PTPRG: variants seen among roughly 807,000 people sequenced by gnomAD.
The protein encoded by PTPRG is protein tyrosine phosphatase receptor type G.
In PTPRG, 102 loss-of-function variants were observed where a neutral mutation model predicts 165.3. The observed-to-expected ratio is 0.62, with a 90% confidence interval of 0.53 to 0.73. PTPRG has a LOEUF of 0.73. Ranked by LOEUF, PTPRG falls within the 30% of genes least tolerant of loss-of-function variation. The pLI, the probability that PTPRG is intolerant of heterozygous loss-of-function variation, is 0.00. For missense variants in PTPRG, 1,866 were observed against 1,861.4 expected (o/e 1.00, Z -0.05); for synonymous variants, 675 against 669.5 (o/e 1.01, Z -0.13).
intron 5 of PTPRG, among the ~76,000 whole-genome samples, chr3:62,121,346 T>C (rs1703064774): frequency 6.6e-6 from 1 of 152,148 alleles, no homozygotes; most frequent in South Asian, 2.1e-4. Context: ...TAAATACTCA[T>C]TTAATCCTCT....
chr3:61,933,430 C>G (rs1237224930), intron 2 of PTPRG, among the ~76,000 whole-genome samples: 1 of 152,160 alleles, frequency 6.6e-6, no homozygotes, highest in Non-Finnish European at 1.5e-5. Flanking sequence ...GTTTTCTCAT[C>G]TATAAAATAG....
At chr3:62,073,723 C>A (rs1701285463) in intron 4 of PTPRG, among the ~76,000 whole-genome samples, 1 of 152,178 alleles carries the variant, frequency 6.6e-6, no homozygotes, top group Non-Finnish European at 1.5e-5. Flanking sequence ...TCAAGTGATC[C>A]ATCCACCTTG....
chr3:62,243,809 A>T lies in PTPRG; in HGVS notation c.2378A>T (p.Lys793Ile). The change falls in exon 15 of 30, where the codon AAA becomes ATA. Residue 793 changes from lysine (K) to isoleucine (I), a missense_variant and splice_region_variant. Lys to Ile is a moderately radical substitution (Grantham distance 102). This residue lies in a region of PTPRG where 1,452 missense variants were observed against 1,463.0 expected (regional missense o/e 0.99). Transcript: ENST00000474889. Reference protein sequence around the residue: ...SGERGEKGSRKCFQTAHFYVE... With the variant: ...SGERGEKGSRICFQTAHFYVE... ...ATGTTTTTCTCTTTTCTACACAGAA[A>T]ATGTTTTCAGACTGCTCATTTCTAT... is the stretch of plus-strand genomic sequence containing the variant. 1.9e-6 allele frequency: 3 copies of T among 1,572,608 alleles called. No individual in the cohort carries two copies. The highest frequency in any genetic ancestry group is 1.7e-6 in the Non-Finnish European group (2 of 1,146,606).
chr3:62,019,423 T>G (rs542143007), intron 4 of PTPRG, among the ~76,000 whole-genome samples: 1 of 150,274 alleles, frequency 6.7e-6, no homozygotes, highest in South Asian at 2.1e-4. Flanking sequence ...CTTGGGAGGC[T>G]GAGAAGGGAG....
At chr3:61,979,499 C>G (rs1318966297) in intron 2 of PTPRG, among the ~76,000 whole-genome samples, 2 of 152,112 alleles carry the variant, frequency 1.3e-5, no homozygotes, top group African/African-American at 4.8e-5. Flanking sequence ...TAGAGAGTGG[C>G]TAAGGTTGCT....
rs1032900095 is a variant in PTPRG at position 62,195,642 on chromosome 3, A to G, written c.1327+472A>G. Among the ~76,000 whole-genome samples, 2 of 152,184 alleles carry G rather than the reference A, an allele frequency of 1.3e-5. No individual in the cohort carries two copies. The highest frequency in any genetic ancestry group is 2.9e-5 in the Non-Finnish European group (2 of 68,042). On this transcript the variant is annotated intron_variant, in intron 10 of 29. Coordinates refer to ENST00000474889, the MANE Select transcript of PTPRG (RefSeq NM_002841.4). The surrounding 1 kb of genome is among the most constrained non-coding windows in gnomAD (Gnocchi z 4.4). ...CAGGATCCTTGAGATTCCTGGATCT[A>G]GATAGATGGTCCTGATGACTTAGGG...
chr3:61,934,833 T>C (rs1303613430), intron 2 of PTPRG, among the ~76,000 whole-genome samples: 1 of 152,198 alleles, frequency 6.6e-6, no homozygotes, highest in Non-Finnish European at 1.5e-5. Context: ...TAAATTGACA[T>C]AGTCTTCTGA....
chr3:61,660,641 C>G (rs1014914102), intron 1 of PTPRG, among the ~76,000 whole-genome samples: 1 of 152,120 alleles, frequency 6.6e-6, no homozygotes, highest in Non-Finnish European at 1.5e-5. Flanking sequence ...GAGGAAGCTT[C>G]TAGAACAGCA....
At chr3:61,997,653 A>G (rs1356972166) in intron 3 of PTPRG, among the ~76,000 whole-genome samples, 1 of 152,104 alleles carries the variant, frequency 6.6e-6, no homozygotes, top group African/African-American at 2.4e-5. Flanking sequence ...TTGTCTGTTT[A>G]GTTCTTGGGA....
At chr3:62,258,829 A>G (rs549248998) in intron 16 of PTPRG, among the ~76,000 whole-genome samples, 2 of 152,294 alleles carry the variant, frequency 1.3e-5, no homozygotes, top group Admixed American at 1.3e-4. Context: ...TGTCCTTCCC[A>G]GGGAGTAGTT....
At chr3:61,699,191 T>C (rs543464078) in intron 1 of PTPRG, among the ~76,000 whole-genome samples, 116 of 152,184 alleles carry the variant, frequency 7.6e-4, no homozygotes, top group Non-Finnish European at 1.5e-3. Flanking sequence ...TTAAAAAAAA[T>C]TATTTTTCAG....
intron 2 of PTPRG, among the ~76,000 whole-genome samples, chr3:61,856,987 A>G (rs2037124895): frequency 6.6e-6 from 1 of 152,026 alleles, no homozygotes; most frequent in African/African-American, 2.4e-5. Flanking sequence ...TCTCTACATG[A>G]GGCTCCTTTA....
rs75464540 is a variant in PTPRG, at chr3:62,164,515, C to T, written c.841-3456C>T. The stretch of plus-strand genomic sequence containing the variant: ...CATTTGATGAGTGTGCTAAGCTCGT[C>T]CTCCTTTCCCTCTTTTGTATGACTG... On this transcript the variant is annotated intron_variant, in intron 7 of 29. Transcript: ENST00000474889. Among the ~76,000 whole-genome samples the T allele has an allele frequency of 7.9e-3, 1,197 of 152,214 alleles. 15 individuals are homozygous for T. Among genetic ancestry groups the T allele is most frequent in the African/African-American group, 0.028 (1,157 of 41,522 alleles).
chr3:61,613,073 A>G (rs1197912796), intron 1 of PTPRG, among the ~76,000 whole-genome samples: 1 of 152,234 alleles, frequency 6.6e-6, no homozygotes, highest in African/African-American at 2.4e-5. Flanking sequence ...GTCAGAGTCA[A>G]AAGAACATTT....
chr3:62,174,270 G>A (rs1705329979), intron 8 of PTPRG, among the ~76,000 whole-genome samples: 4 of 152,142 alleles, frequency 2.6e-5, no homozygotes, highest in Admixed American at 2.6e-4. Context: ...AACCAAACCT[G>A]TTCAAACCGC....
intron 13 of PTPRG, among the ~76,000 whole-genome samples, chr3:62,227,924 C>T (rs754860496): frequency 2.6e-5 from 4 of 152,098 alleles, no homozygotes; most frequent in South Asian, 2.1e-4. Flanking sequence ...TCTGATAAAC[C>T]GGACAATTTA....
chr3:61,874,468 A>T (rs2037668506), intron 2 of PTPRG, among the ~76,000 whole-genome samples: 1 of 152,074 alleles, frequency 6.6e-6, no homozygotes, highest in Non-Finnish European at 1.5e-5. Context: ...AGAGAGGTAA[A>T]TGTCTTTCTT....
At chr3:62,074,352 CTTT>C (rs200189646) in intron 4 of PTPRG, among the ~76,000 whole-genome samples, 38 of 109,104 alleles carry the variant, frequency 3.5e-4, no homozygotes, top group African/African-American at 1.4e-3. Flanking sequence ...TCTTTTCTTT[CTTT>C]TTTTTTTTTT....
rs547377159 is a variant in PTPRG at position 62,199,780 on chromosome 3, G to T, written c.1328-1725G>T. Among the ~76,000 whole-genome samples, 14 of 152,290 alleles carry T rather than the reference G, an allele frequency of 9.2e-5. No individual in the cohort carries two copies. The South Asian group carries it at 2.9e-3, about 32-fold the overall frequency. On this transcript the variant is annotated intron_variant, in intron 10 of 29. Coordinates refer to ENST00000474889, the MANE Select transcript of PTPRG (RefSeq NM_002841.4). ...TTTTTGAAAGAACCACATAGAAGCA[G>T]TTTGATGGAGTTTTTAAAAAGTCAT...
Sources: gnomAD v4.1 joint callset for allele counts (sites outside exome capture counted in the v4.1 genomes callset) on GRCh38, gnomAD v4.1.1 for gene constraint, gnomAD v4.1.1 regional missense constraint, Gnocchi (gnomAD v3.1) non-coding constraint, MANE v1.5 for transcripts, NCBI Gene and HGNC (gene_info 2026-07-23, HGNC 2026-07-21) for gene names.